TEX2: variants seen among roughly 807,000 people sequenced by gnomAD.
TEX2 encodes testis-expressed protein 2.
TEX2 carries 53 observed loss-of-function variants against 106.9 expected under a neutral mutation model. That is an observed-to-expected ratio of 0.50 (90% CI 0.40 to 0.62). TEX2 has a LOEUF of 0.62. TEX2 is among the 20% of genes least tolerant of loss of function. The pLI, the probability that TEX2 is intolerant of heterozygous loss-of-function variation, is 0.00. For synonymous variants in TEX2, 523 were observed against 534.8 expected, an observed-to-expected ratio of 0.98 and a Z score of 0.30; for missense variants, 1,207 against 1,379.0, an observed-to-expected ratio of 0.88 and a Z score of 1.98.
intron 7 of TEX2, among the ~76,000 whole-genome samples, chr17:64,170,018 T>G (rs373743518): frequency 7.9e-5 from 12 of 152,234 alleles, no homozygotes; most frequent in African/African-American, 2.9e-4. Context: ...GTGTACTAAA[T>G]TTTCCCTGTC....
rs115958809 is a variant in TEX2 at position 64,187,394 on chromosome 17, C to T, written c.2424+774G>A. ...GTCAAAGTGCAAATCTTGGCCTCTG[C>T]GTTCTCTCACGTCAGCAAATCCAGC... On this transcript the variant is annotated intron_variant, in intron 5 of 11. Coordinates refer to ENST00000584379, the MANE Select transcript of TEX2 (RefSeq NM_001288732.2). Among the ~76,000 whole-genome samples, 600 of 152,188 alleles carry T rather than the reference C, an allele frequency of 3.9e-3. 4 individuals are homozygous for T. The highest frequency in any genetic ancestry group is 0.014 in the African/African-American group (568 of 41,516).
At chr17:64,178,831 C>A (rs145104458) in intron 5 of TEX2, among the ~76,000 whole-genome samples, 15 of 152,362 alleles carry the variant, frequency 9.8e-5, no homozygotes, top group African/African-American at 3.6e-4. Flanking sequence ...TGCATTCGTG[C>A]CAGTGCTATC....
intron 2 of TEX2, among the ~76,000 whole-genome samples, chr17:64,201,344 C>T (rs2032653481): frequency 6.6e-6 from 1 of 152,176 alleles, no homozygotes; most frequent in Non-Finnish European, 1.5e-5. Flanking sequence ...TTTTCTCCTA[C>T]TGACAGTTTA....
At chr17:64,198,164 AAATG>A (rs1460012585) in intron 2 of TEX2, among the ~76,000 whole-genome samples, 5 of 152,000 alleles carry the variant, frequency 3.3e-5, no homozygotes, top group African/African-American at 1.2e-4. Flanking sequence ...CAGTTAAAAA[AAATG>A]CATTCTGCTG....
At chr17:64,164,126 T>G (rs796441008) in intron 7 of TEX2, among the ~76,000 whole-genome samples, 3 of 152,216 alleles carry the variant, frequency 2.0e-5, no homozygotes, top group African/African-American at 7.2e-5. Context: ...CACCCGATTA[T>G]TAACGAGCCC....
intron 2 of TEX2, among the ~76,000 whole-genome samples, chr17:64,198,885 A>G (rs2032564423): frequency 6.6e-6 from 1 of 152,224 alleles, no homozygotes; most frequent in Non-Finnish European, 1.5e-5. Flanking sequence ...TCAGACAAAA[A>G]TCCCTGCATT....
chr17:64,191,385 TC>T (rs1037296878), intron 4 of TEX2, among the ~76,000 whole-genome samples: 4 of 152,208 alleles, frequency 2.6e-5, no homozygotes, highest in African/African-American at 9.7e-5. Flanking sequence ...AGGTGGTGTT[TC>T]CTGGTGGCCC....
chr17:64,170,965 G>C (rs777460489), intron 7 of TEX2, 135 bp downstream of exon 7: 56 of 716,212 alleles, frequency 7.8e-5, no homozygotes, highest in Non-Finnish European at 1.2e-4. Context: ...TGACTGGTAA[G>C]AACAGAAAGA....
At chr17:64,177,214 A>G (rs949863529) in intron 6 of TEX2, 111 bp downstream of exon 6, 20 of 1,286,178 alleles carry the variant, frequency 1.6e-5, no homozygotes, top group Non-Finnish European at 2.2e-5. Context: ...TACTACCCTC[A>G]TATGTTATAC....
intron 4 of TEX2, among the ~76,000 whole-genome samples, chr17:64,192,383 T>C (rs1164654006): frequency 1.3e-5 from 2 of 152,310 alleles, no homozygotes; most frequent in African/African-American, 2.4e-5. Flanking sequence ...CATGTGATGA[T>C]AGGCCAGTGT....
At chr17:64,254,576 T>C (rs1048074794) in intron 1 of TEX2, among the ~76,000 whole-genome samples, 4 of 152,274 alleles carry the variant, frequency 2.6e-5, no homozygotes, top group African/African-American at 9.6e-5. Context: ...GAGGCACTGC[T>C]ACAGGGTTGT....
At chr17:64,203,816 C>T (rs555322794) in intron 2 of TEX2, among the ~76,000 whole-genome samples, 1 of 152,324 alleles carries the variant, frequency 6.6e-6, no homozygotes, top group South Asian at 2.1e-4. Flanking sequence ...CCTCCAACTG[C>T]CTGCTTCAAG....
chr17:64,155,318 A>C, intron 8 of TEX2: 1 of 186,800 alleles, frequency 5.4e-6, no homozygotes, highest in Non-Finnish European at 1.1e-5. Context: ...GCGGAGCCAC[A>C]CGGGAGGATG....
chr17:64,238,051 TGAGACTTTGG>T (rs1462458402), intron 1 of TEX2, among the ~76,000 whole-genome samples: 1 of 152,120 alleles, frequency 6.6e-6, no homozygotes, highest in Non-Finnish European at 1.5e-5. Flanking sequence ...CCTGTAATCC[TGAGACTTTGG>T]GAGGCCGAGG....
At chr17:64,182,236 A>G (rs1034738556) in intron 5 of TEX2, among the ~76,000 whole-genome samples, 5 of 152,202 alleles carry the variant, frequency 3.3e-5, no homozygotes, top group Non-Finnish European at 5.9e-5. Context: ...CAAAAAGACA[A>G]ATACTGTATA....
At chr17:64,203,507 A>G (rs188201783) in intron 2 of TEX2, among the ~76,000 whole-genome samples, 5 of 152,310 alleles carry the variant, frequency 3.3e-5, no homozygotes, top group Admixed American at 2.0e-4. Context: ...TGATGTATTA[A>G]TGGTTTAGGA....
chr17:64,164,433 GA>G (rs200013972), intron 7 of TEX2, among the ~76,000 whole-genome samples: 3,124 of 134,812 alleles, frequency 0.023, 45 homozygotes, highest in South Asian at 0.1. Flanking sequence ...AGAAGAAGAA[GA>G]AAAAAAAAAA....
chr17:64,167,082 A>G (rs765531966), intron 7 of TEX2, among the ~76,000 whole-genome samples: 11 of 152,208 alleles, frequency 7.2e-5, no homozygotes, highest in South Asian at 4.1e-4. Flanking sequence ...CCTATCGTCC[A>G]GCCATCTGCC....
intron 11 of TEX2, chr17:64,150,184 C>T (rs1319659758): frequency 6.6e-6 from 1 of 152,144 alleles, no homozygotes; most frequent in Admixed American, 6.5e-5. Context: ...CCATAAAACC[C>T]CGACAGACAA....
Sources: allele counts gnomAD v4.1 joint callset (sites outside exome capture counted in the v4.1 genomes callset), GRCh38; gene constraint gnomAD v4.1.1; transcripts MANE v1.5; gene names NCBI Gene and HGNC (gene_info 2026-07-23, HGNC 2026-07-21).